The following CNTN5 variants were observed in gnomAD, a reference collection of about 807,000 sequenced individuals.
CNTN5 encodes contactin 5.
CNTN5 carries 77 observed loss-of-function variants against 129.1 expected under a neutral mutation model. The ratio of observed to expected loss-of-function variants is 0.60; its 90% CI spans 0.50 to 0.72. The LOEUF is 0.72. Ranked by LOEUF, CNTN5 falls within the 30% of genes least tolerant of loss-of-function variation. The pLI is 0.00. For synonymous variants in CNTN5, 509 were observed against 465.6 expected (o/e 1.09, Z -1.20); for missense variants, 1,478 against 1,328.8 (o/e 1.11, Z -1.75).
At chr11:99,361,175 C>G (rs1438928327) in intron 2 of CNTN5, among the ~76,000 whole-genome samples, 15 of 152,126 alleles carry the variant, frequency 9.9e-5, no homozygotes, top group African/African-American at 3.4e-4. Flanking sequence ...TATTCACGAC[C>G]TCTTAGAAAA....
intron 6 of CNTN5, among the ~76,000 whole-genome samples, chr11:99,867,481 A>G (rs923473611): frequency 3.3e-5 from 5 of 152,176 alleles, no homozygotes; most frequent in Non-Finnish European, 7.3e-5. Flanking sequence ...TGTTGGTGGG[A>G]CTGCATTCCA....
rs1336453041 is a variant in CNTN5, at chr11:99,593,174, T to C, written c.55+36905T>C. On this transcript the variant is annotated intron_variant, in intron 3 of 24. Coordinates refer to ENST00000524871, the MANE Select transcript of CNTN5 (RefSeq NM_014361.4). ...ATGGAGAGTGTTTTCTCTCCTTCATTATAACCCTAAAATCCAAATGCATAT... is the reference window on the plus strand; with the variant it reads ...ATGGAGAGTGTTTTCTCTCCTTCATCATAACCCTAAAATCCAAATGCATAT... Among the ~76,000 whole-genome samples, 3 of 152,328 alleles carry C rather than the reference T, an allele frequency of 2.0e-5. No homozygotes were observed. In the South Asian group the frequency reaches 6.2e-4, roughly 32 times the overall value.
intron 3 of CNTN5, among the ~76,000 whole-genome samples, chr11:99,616,199 G>T (rs1189557301): frequency 6.6e-6 from 1 of 152,016 alleles, no homozygotes; most frequent in Admixed American, 6.5e-5. Flanking sequence ...TTATAAGTCC[G>T]CTCTGTTCCC....
At chr11:99,821,738 C>T (rs1464017603) in intron 4 of CNTN5, among the ~76,000 whole-genome samples, 1 of 152,070 alleles carries the variant, frequency 6.6e-6, no homozygotes, top group African/African-American at 2.4e-5. Flanking sequence ...AATAAGACCC[C>T]CCTTCAAAGA....
In CNTN5 at chr11:99,315,898, AATAGAATGACACAAATTATAGAGTCG is replaced by A. The variant is rs1341119708; in HGVS notation, c.-209-9437_-209-9412del. On this transcript the variant is annotated intron_variant, in intron 1 of 24. Coordinates refer to ENST00000524871, the MANE Select transcript of CNTN5 (RefSeq NM_014361.4). The stretch of plus-strand genomic sequence containing the variant: ...GAGTTGAATGATAGAAAGAAGAGAC[AATAGAATGACACAAATTATAGAGTCG>A]ATAGAATGACGCAAATTATAGAGAG... 1.4e-4 allele frequency among the ~76,000 whole-genome samples: 19 copies of A among 133,984 alleles called. 1 individual carries two copies. Among genetic ancestry groups the A allele is most frequent in the Non-Finnish European group, 3.1e-4 (18 of 57,428 alleles). 87.9% of individuals were successfully genotyped at this position (133,984 alleles called of 152,430 possible). A position where few individuals can be genotyped will look rare whatever the true frequency, so the allele number is the denominator to read the frequency against.
chr11:99,767,320 G>A (rs909805985), intron 3 of CNTN5, among the ~76,000 whole-genome samples: 1 of 152,056 alleles, frequency 6.6e-6, no homozygotes, highest in African/African-American at 2.4e-5. Flanking sequence ...GACAGACTAT[G>A]TAGAACTGTG....
At chr11:99,571,826 T>C (rs1418723396) in intron 3 of CNTN5, among the ~76,000 whole-genome samples, 2 of 152,220 alleles carry the variant, frequency 1.3e-5, no homozygotes, top group East Asian at 3.8e-4. Flanking sequence ...AGATTTCTTC[T>C]TTACTTAGGA....
intron 2 of CNTN5, among the ~76,000 whole-genome samples, chr11:99,400,612 G>GGTC (rs1473718747): frequency 2.6e-5 from 4 of 151,938 alleles, no homozygotes; most frequent in African/African-American, 9.7e-5. Flanking sequence ...GGAATTGCTG[G>GGTC]GTCATATGGT....
intron 3 of CNTN5, among the ~76,000 whole-genome samples, chr11:99,598,098 A>T (rs1425321116): frequency 6.6e-6 from 1 of 152,064 alleles, no homozygotes; most frequent in Non-Finnish European, 1.5e-5. Flanking sequence ...AGGGAATATG[A>T]TACCAGTTTC....
chr11:99,736,325 C>A (rs1403468685), intron 3 of CNTN5, among the ~76,000 whole-genome samples: 1 of 152,114 alleles, frequency 6.6e-6, no homozygotes, highest in African/African-American at 2.4e-5. Flanking sequence ...TTGACAGGAT[C>A]TGGAGCCTAG....
chr11:99,454,271 A>G (rs1944413488), intron 2 of CNTN5, among the ~76,000 whole-genome samples: 1 of 152,204 alleles, frequency 6.6e-6, no homozygotes. Context: ...ATAAAGGGTA[A>G]TGATATAGTT....
intron 1 of CNTN5, among the ~76,000 whole-genome samples, chr11:99,318,691 A>G (rs940075754): frequency 2.6e-5 from 4 of 152,092 alleles, no homozygotes; most frequent in African/African-American, 9.7e-5. Flanking sequence ...CTCCCCCATG[A>G]AGAACCAGCT....
At chr11:99,120,376 G>C (rs1858252974) in intron 1 of CNTN5, 1 of 152,128 alleles carries the variant, frequency 6.6e-6, no homozygotes, top group South Asian at 2.1e-4. Flanking sequence ...TTCAATAAAG[G>C]ATATACGAGT....
intron 6 of CNTN5, among the ~76,000 whole-genome samples, chr11:99,913,183 C>T (rs1196718381): frequency 6.6e-6 from 1 of 151,938 alleles, no homozygotes; most frequent in Non-Finnish European, 1.5e-5. Context: ...GAAATTAACT[C>T]CTTTCTCTTC....
At chr11:100,333,086 G>A (rs1951941419) in intron 21 of CNTN5, among the ~76,000 whole-genome samples, 1 of 152,106 alleles carries the variant, frequency 6.6e-6, no homozygotes, top group South Asian at 2.1e-4. Context: ...CATAGTTTCA[G>A]GTTACAAAAT....
chr11:99,447,846 A>G (rs192345533), intron 2 of CNTN5, among the ~76,000 whole-genome samples: 1 of 152,172 alleles, frequency 6.6e-6, no homozygotes, highest in African/African-American at 2.4e-5. Context: ...AATTGTTTGA[A>G]CCCAGGAGGC....
chr11:100,185,273 T>C (rs1160191015), intron 13 of CNTN5, among the ~76,000 whole-genome samples: 2 of 152,116 alleles, frequency 1.3e-5, no homozygotes, highest in Non-Finnish European at 2.9e-5. Flanking sequence ...AGTTCTACTC[T>C]CTCAACTTCC....
rs533651844 is a variant in CNTN5, at chr11:99,098,231, G to A, written c.-210+76961G>A. On this transcript the variant is annotated intron_variant, in intron 1 of 24. Coordinates refer to ENST00000524871, the MANE Select transcript of CNTN5 (RefSeq NM_014361.4). ...AAAGATATTTGTTGACTTACTTACTGATGAATGTTTAGGTCTGTAAACTGG... is the reference window on the plus strand; with the variant it reads ...AAAGATATTTGTTGACTTACTTACTAATGAATGTTTAGGTCTGTAAACTGG... Among the ~76,000 whole-genome samples the A allele has an allele frequency of 9.2e-5, 14 of 152,164 alleles. No individual in the cohort carries two copies. In the South Asian group the frequency reaches 2.9e-3, roughly 32 times the overall value.
intron 13 of CNTN5, among the ~76,000 whole-genome samples, chr11:100,137,683 G>C (rs1240265597): frequency 2.0e-5 from 3 of 152,084 alleles, no homozygotes; most frequent in African/African-American, 7.2e-5. Context: ...GGGCAAGTCA[G>C]TTTATCACTA....
Sources: allele counts gnomAD v4.1 joint callset (sites outside exome capture counted in the v4.1 genomes callset), GRCh38; gene constraint gnomAD v4.1.1; transcripts MANE v1.5; gene names NCBI Gene and HGNC (gene_info 2026-07-23, HGNC 2026-07-21).